ANKFN1: variants seen among roughly 807,000 people sequenced by gnomAD.
The protein encoded by ANKFN1 is ankyrin repeat and fibronectin type III domain containing 1, also known as ankyrin repeat and fibronectin type-III domain-containing protein 1.
ANKFN1 carries 74 observed loss-of-function variants against 108.7 expected under a neutral mutation model. That is an observed-to-expected ratio of 0.68 (90% CI 0.56 to 0.83). The LOEUF (loss-of-function observed/expected upper bound fraction) is 0.83, where lower values mean the gene tolerates loss of function less well. ANKFN1 is among the 40% of genes least tolerant of loss of function. ANKFN1 has a pLI of 0.00. For synonymous variants in ANKFN1, 547 were observed against 516.2 expected (o/e 1.06, Z -0.81); for missense variants, 1,505 against 1,382.3 (o/e 1.09, Z -1.41).
rs1271714660 is a variant in ANKFN1 at position 56,092,343 on chromosome 17, C to T, written c.288+46018C>T. On this transcript the variant is annotated intron_variant, in intron 4 of 12. Coordinates refer to the ANKFN1 transcript ENST00000635860. ...GGAGTGCAGTGCAGTGGCGCAATCT[C>T]GGCTCACTACAAGCTCTGCCTCCCG... 2.8e-5 allele frequency among the ~76,000 whole-genome samples: 4 copies of T among 142,544 alleles called. 1 individual carries two copies. The South Asian group carries it at 6.7e-4, about 24-fold the overall frequency. 93.5% of individuals were successfully genotyped at this position (142,544 alleles called of 152,430 possible).
Position 56,385,070 on chromosome 17 carries a change from T to C in ANKFN1, c.910+10356T>C, listed in dbSNP as rs1312120755. 8.6e-4 allele frequency among the ~76,000 whole-genome samples: 130 copies of C among 151,452 alleles called. 2 individuals carry two copies. The East Asian group carries it at 0.025, about 29-fold the overall frequency. On this transcript the variant is annotated intron_variant, in intron 8 of 20. Coordinates refer to ENST00000682825, the MANE Select transcript of ANKFN1 (RefSeq NM_001370326.1). ...CATCACGCTACCTGACTTCAAACTA[T>C]ACTACAAGGCTACAGTAACCAAAAC...
In ANKFN1 at chr17:56,374,708, T is replaced by C; in HGVS notation, c.904T>C (p.Tyr302His). The C allele has an allele frequency of 1.2e-6, 2 of 1,611,658 alleles. No homozygotes were observed. Among genetic ancestry groups the C allele is most frequent in the Non-Finnish European group, 1.7e-6 (2 of 1,178,032 alleles). Residue 302 changes from tyrosine (Y) to histidine (H), a missense_variant, in exon 8 of 21, where the codon TAT (tyrosine) becomes CAT (histidine). By Grantham distance (83) the Tyr-to-His change is moderately conservative (BLOSUM62 2). Transcript: ENST00000682825. The part of the protein sequence containing the change: ...LSVNAAVVTR[Y>H]KVEWSMSEDF... ...CGTCAATGCAGCTGTAGTAACCAGG[T>C]ATAAAGGTACTGGACCCAAGACATG... is the stretch of plus-strand genomic sequence containing the variant.
At chr17:56,228,569 G>C (rs1205528589) in intron 3 of ANKFN1, 2 of 151,910 alleles carry the variant, frequency 1.3e-5, no homozygotes, top group Non-Finnish European at 2.9e-5. Context: ...TTTGGAATTA[G>C]GGTGATTTTT....
At position 56,467,688 on chromosome 17, in the gene ANKFN1, AAAG is replaced by A. The variant is rs1273153242; in HGVS notation, c.1773+1120_1773+1122del. ...TGAGAATCCATCTTAAAAAAAAAAA[AAAG>A]AAAGAAAAGAAAAGAAAGAGAGAGA... On this transcript the variant is annotated intron_variant, in intron 15 of 20. Transcript: ENST00000682825. 5.8e-4 allele frequency among the ~76,000 whole-genome samples: 87 copies of A among 150,254 alleles called. 4 individuals are homozygous for A. The East Asian group carries it at 6.4e-3, about 11-fold the overall frequency.
Position 56,055,382 on chromosome 17 carries a change from T to C in ANKFN1, c.288+9057T>C, listed in dbSNP as rs1194904897. ...GGATAATGGCCTTCAGCTTCATTCA[T>C]GTTGCTGCAAAGGACATGATTTCAT... On this transcript the variant is annotated intron_variant, in intron 4 of 12. Transcript: ENST00000635860. 2.6e-5 allele frequency among the ~76,000 whole-genome samples: 4 copies of C among 151,240 alleles called. No homozygotes were observed. In the East Asian group the frequency reaches 7.8e-4, roughly 30 times the overall value.
intron 19 of ANKFN1, 141 bp from the exon 20 acceptor site, chr17:56,498,741 T>C: frequency 1.4e-6 from 1 of 695,264 alleles, no homozygotes; most frequent in Non-Finnish European, 2.4e-6. Flanking sequence ...TTTTCTGGCT[T>C]AACAAATCTA....
At chr17:56,310,687 T>C (rs1046208533) in intron 3 of ANKFN1, among the ~76,000 whole-genome samples, 1 of 152,098 alleles carries the variant, frequency 6.6e-6, no homozygotes, top group Non-Finnish European at 1.5e-5. Context: ...TGTTCTGATA[T>C]ATATTGTGAA....
rs142935247 is a variant in ANKFN1 at position 56,423,349 on chromosome 17, G to T, written c.911-16978G>T. Among the ~76,000 whole-genome samples, 963 of 152,314 alleles carry T rather than the reference G, an allele frequency of 6.3e-3. 8 individuals carry two copies. The highest frequency in any genetic ancestry group is 0.027 in the Middle Eastern group (8 of 294). ...CTAGCTAGCAGTGGGCAAAGTCCTT[G>T]AAACAGTATGAGAAGCAGCTCGCTG... On this transcript the variant is annotated intron_variant, in intron 8 of 20. Transcript: ENST00000682825.
At chr17:56,331,086 G>A (rs1471699645) in intron 4 of ANKFN1, among the ~76,000 whole-genome samples, 2 of 152,160 alleles carry the variant, frequency 1.3e-5, no homozygotes, top group Non-Finnish European at 2.9e-5. Flanking sequence ...CTAGTGACAG[G>A]CAGGTTGAAG....
chr17:56,456,715 A>G, intron 11 of ANKFN1, 146 bp from the exon 12 acceptor site: 3 of 676,386 alleles, frequency 4.4e-6, no homozygotes, highest in Non-Finnish European at 7.9e-6. Context: ...TCTTATAGGC[A>G]TGAATGAGCA....
chr17:56,103,522 G>A (rs927631100), intron 4 of ANKFN1, among the ~76,000 whole-genome samples: 5 of 152,104 alleles, frequency 3.3e-5, no homozygotes, highest in Admixed American at 3.3e-4. Flanking sequence ...CTTGCAGAGG[G>A]TTGGGCGACA....
At chr17:56,187,593 C>G (rs1368045407) in intron 1 of ANKFN1, among the ~76,000 whole-genome samples, 1 of 152,110 alleles carries the variant, frequency 6.6e-6, no homozygotes, top group African/African-American at 2.4e-5. Flanking sequence ...TGGGTATATA[C>G]CCAAATGACT....
intron 4 of ANKFN1, among the ~76,000 whole-genome samples, chr17:56,088,902 T>C (rs1284850368): frequency 6.6e-6 from 1 of 151,412 alleles, no homozygotes; most frequent in African/African-American, 2.4e-5. Context: ...GAGGCACATG[T>C]ATAATGGTAG....
At chr17:56,163,912 C>T (rs1412982061) in intron 1 of ANKFN1, among the ~76,000 whole-genome samples, 1 of 152,168 alleles carries the variant, frequency 6.6e-6, no homozygotes, top group African/African-American at 2.4e-5. Context: ...TTACTCTTTC[C>T]TCAGTGTAGG....
chr17:56,390,964 T>C (rs1022176209), intron 8 of ANKFN1, among the ~76,000 whole-genome samples: 1 of 151,908 alleles, frequency 6.6e-6, no homozygotes, highest in African/African-American at 2.4e-5. Flanking sequence ...TTATATAGTA[T>C]ATTTTTAAGT....
intron 4 of ANKFN1, among the ~76,000 whole-genome samples, chr17:56,115,783 A>G (rs570261585): frequency 9.5e-4 from 145 of 152,226 alleles, no homozygotes; most frequent in African/African-American, 3.2e-3. Context: ...GAATGACTGA[A>G]TTCTCACTGG....
chr17:56,479,645 C>T (rs1417041122), intron 16 of ANKFN1, among the ~76,000 whole-genome samples: 1 of 152,204 alleles, frequency 6.6e-6, no homozygotes, highest in Non-Finnish European at 1.5e-5. Flanking sequence ...TGATGAAAAG[C>T]TCATGCCACA....
intron 18 of ANKFN1, among the ~76,000 whole-genome samples, chr17:56,487,235 T>A (rs779402207): frequency 2.6e-5 from 4 of 152,104 alleles, no homozygotes; most frequent in African/African-American, 7.2e-5. Flanking sequence ...CTACCATCCT[T>A]TGGGTGGGAG....
At chr17:56,490,098 G>A (rs1238228555) in intron 18 of ANKFN1, among the ~76,000 whole-genome samples, 1 of 152,194 alleles carries the variant, frequency 6.6e-6, no homozygotes, top group African/African-American at 2.4e-5. Flanking sequence ...AAGCTACAAT[G>A]TTCCATGTTT....
Sources: gnomAD v4.1 joint callset for allele counts (sites outside exome capture counted in the v4.1 genomes callset) on GRCh38, gnomAD v4.1.1 for gene constraint, MANE v1.5 for transcripts, NCBI Gene and HGNC (gene_info 2026-07-23, HGNC 2026-07-21) for gene names.